The following DNAH11 variants were observed in gnomAD, a reference collection of about 807,000 sequenced individuals.
The protein encoded by DNAH11 is dynein axonemal heavy chain 11.
In DNAH11, 442 loss-of-function variants were observed where a neutral mutation model predicts 526.0. The observed-to-expected ratio is 0.84, with a 90% confidence interval of 0.78 to 0.91. The LOEUF (loss-of-function observed/expected upper bound fraction) is 0.91, where lower values mean the gene tolerates loss of function less well. Among genes scored for constraint, DNAH11 ranks in the 40% least tolerant of loss-of-function variants. DNAH11 has a pLI of 0.00. For synonymous variants in DNAH11, 2,461 were observed against 1,935.9 expected (o/e 1.27, Z -7.12); for missense variants, 6,989 against 5,448.7 (o/e 1.28, Z -8.90).
chr7:21,614,459 G>A (rs17689845), intron 20 of DNAH11, among the ~76,000 whole-genome samples: 1 of 152,122 alleles, frequency 6.6e-6, no homozygotes, highest in East Asian at 1.9e-4. Flanking sequence ...TGTAAGCATA[G>A]TACCATTTTG....
At chr7:21,620,526 T>A (rs1785997825) in intron 25 of DNAH11, among the ~76,000 whole-genome samples, 1 of 152,110 alleles carries the variant, frequency 6.6e-6, no homozygotes, top group African/African-American at 2.4e-5. Context: ...TCCTTTAGGG[T>A]CATCCATGTT....
chr7:21,731,037 G>A (rs1279286738), intron 45 of DNAH11, among the ~76,000 whole-genome samples: 6 of 151,958 alleles, frequency 3.9e-5, no homozygotes, highest in South Asian at 2.1e-4. Flanking sequence ...CCAGCTACTC[G>A]GGAGGCTGAG....
At chr7:21,854,580 C>A (rs1447839918) in intron 68 of DNAH11, 125 bp downstream of exon 68, 17 of 1,083,154 alleles carry the variant, frequency 1.6e-5, no homozygotes, top group Non-Finnish European at 2.1e-5. Context: ...GACAGAGTCT[C>A]ACTCTGTAGC....
intron 21 of DNAH11, among the ~76,000 whole-genome samples, chr7:21,615,974 T>C (rs1456819338): frequency 6.6e-6 from 1 of 152,186 alleles, no homozygotes; most frequent in African/African-American, 2.4e-5. Context: ...TGTATGGAAT[T>C]TATCATCGCT....
At chr7:21,754,498 A>G (rs138250538) in intron 54 of DNAH11, among the ~76,000 whole-genome samples, 11 of 151,968 alleles carry the variant, frequency 7.2e-5, no homozygotes, top group African/African-American at 2.2e-4. Context: ...AATCCTTTTT[A>G]TGGTCTCATT....
rs151176945 is a variant in DNAH11, at chr7:21,837,547, A to G, written c.10692-4997A>G. Reference sequence around the variant, plus strand: ...CTGATCTTGGAAGTAGAGTAGAAAAATGGTTACCAGAGGCAGGGGAGGTAA... The same window carrying G: ...CTGATCTTGGAAGTAGAGTAGAAAAGTGGTTACCAGAGGCAGGGGAGGTAA... On this transcript the variant is annotated intron_variant, in intron 65 of 81. Coordinates refer to ENST00000409508, the MANE Select transcript of DNAH11 (RefSeq NM_001277115.2). Among the ~76,000 whole-genome samples the G allele has an allele frequency of 5.6e-3, 849 of 152,266 alleles. 5 individuals carry two copies. The highest frequency in any genetic ancestry group is 0.019 in the African/African-American group (805 of 41,574).
intron 68 of DNAH11, 103 bp from the exon 69 acceptor site, chr7:21,861,750 C>T: frequency 7.0e-7 from 1 of 1,421,426 alleles, no homozygotes. Context: ...GCCTCATTCT[C>T]ACTCCCTATA....
chr7:21,617,551 G>T, intron 22 of DNAH11, 68 bp from the exon 23 acceptor site: 1 of 1,546,432 alleles, frequency 6.5e-7, no homozygotes, highest in African/African-American at 1.4e-5. Flanking sequence ...TATGTCAAAG[G>T]AGGCAAATTA....
chr7:21,807,562 G>A (rs1014213054), intron 62 of DNAH11, among the ~76,000 whole-genome samples: 1 of 152,164 alleles, frequency 6.6e-6, no homozygotes, highest in Non-Finnish European at 1.5e-5. Context: ...TCCATTCCCA[G>A]AGGGACAGGG....
chr7:21,794,171 G>A (rs758060760), intron 61 of DNAH11, among the ~76,000 whole-genome samples: 19 of 151,928 alleles, frequency 1.3e-4, no homozygotes, highest in African/African-American at 1.7e-4. Context: ...TCTTGGAGTC[G>A]GCTGAGTTTT....
At chr7:21,578,840 C>T (rs1025319889) in intron 8 of DNAH11, among the ~76,000 whole-genome samples, 1 of 152,192 alleles carries the variant, frequency 6.6e-6, no homozygotes, top group African/African-American at 2.4e-5. Flanking sequence ...TCATACACAT[C>T]TCAAAATCAC....
chr7:21,742,246 C>T (rs182809998), intron 49 of DNAH11, 80 bp downstream of exon 49: 2 of 1,467,866 alleles, frequency 1.4e-6, no homozygotes, highest in East Asian at 2.3e-5. Context: ...TTTTATGTCA[C>T]TATAGAGAAA....
chr7:21,856,740 C>A (rs1433648051), intron 68 of DNAH11, among the ~76,000 whole-genome samples: 1 of 151,566 alleles, frequency 6.6e-6, no homozygotes, highest in Non-Finnish European at 1.5e-5. Flanking sequence ...CTCATATGGT[C>A]ATTTCAGTTG....
chr7:21,595,955 A>G (rs2128445314), intron 14 of DNAH11, among the ~76,000 whole-genome samples: 1 of 152,346 alleles, frequency 6.6e-6, no homozygotes, highest in South Asian at 2.1e-4. Context: ...CAGGAAGCCG[A>G]GTGAAGAAAG....
At chr7:21,787,373 C>A (rs755706215) in intron 59 of DNAH11, 28 bp from the exon 60 acceptor site, 5 of 1,582,758 alleles carry the variant, frequency 3.2e-6, no homozygotes, top group Non-Finnish European at 4.3e-6. Context: ...AAAATGGGTT[C>A]ATTGCAATAA....
chr7:21,656,886 C>A (rs1011190241), intron 29 of DNAH11, among the ~76,000 whole-genome samples: 2 of 152,070 alleles, frequency 1.3e-5, no homozygotes, highest in Admixed American at 6.6e-5. Flanking sequence ...ATCTCTTGGG[C>A]TTTTTAGGAT....
At chr7:21,552,046 G>A (rs13236023) in intron 2 of DNAH11, among the ~76,000 whole-genome samples, 49,911 of 151,906 alleles carry the variant, frequency 0.33, 10,026 homozygotes, top group Non-Finnish European at 0.45. Flanking sequence ...GTACACATTC[G>A]GGCCACCCCT....
chr7:21,800,224 C>G (rs949917458), intron 61 of DNAH11, among the ~76,000 whole-genome samples: 3 of 152,176 alleles, frequency 2.0e-5, no homozygotes, highest in African/African-American at 7.2e-5. Context: ...TTTTCTGTGC[C>G]CCAGTGGAAG....
chr7:21,848,076 A>G (rs190641221), intron 66 of DNAH11, among the ~76,000 whole-genome samples: 261 of 150,474 alleles, frequency 1.7e-3, no homozygotes, highest in Non-Finnish European at 2.6e-3. Flanking sequence ...CTGAGGCAGG[A>G]GAATGGCGTG....
Sources: allele counts gnomAD v4.1 joint callset (sites outside exome capture counted in the v4.1 genomes callset), GRCh38; gene constraint gnomAD v4.1.1; transcripts MANE v1.5; gene names NCBI Gene and HGNC (gene_info 2026-07-23, HGNC 2026-07-21).